Variants in TBC1D31 observed in about 807,000 individuals in gnomAD.
TBC1D31 encodes TBC1 domain family member 31.
Under a neutral mutation model 132.9 loss-of-function variants are expected in TBC1D31, and 99 were observed. That is an observed-to-expected ratio of 0.74 (90% CI 0.63 to 0.88). The LOEUF (loss-of-function observed/expected upper bound fraction) is 0.88. TBC1D31 is among the 40% of genes least tolerant of loss of function. The pLI is 0.00. For missense variants in TBC1D31, 1,134 were observed against 1,256.6 expected (o/e 0.90, Z 1.48); for synonymous variants, 385 against 419.4 (o/e 0.92, Z 1.00).
chr8:123,097,486 G>A (rs372719291), intron 6 of TBC1D31, 45 bp downstream of exon 6: 39 of 1,586,152 alleles, frequency 2.5e-5, no homozygotes, highest in Middle Eastern at 1.7e-4. Context: ...GAGAAAGAAC[G>A]CATCCGTCTC....
At chr8:123,106,052 T>C (rs1817888569) in intron 8 of TBC1D31, among the ~76,000 whole-genome samples, 1 of 152,206 alleles carries the variant, frequency 6.6e-6, no homozygotes, top group African/African-American at 2.4e-5. Flanking sequence ...CAGCAGTATT[T>C]GAGAGTTCTA....
At chr8:123,100,432 C>A (rs958175182) in intron 6 of TBC1D31, among the ~76,000 whole-genome samples, 1 of 151,902 alleles carries the variant, frequency 6.6e-6, no homozygotes, top group Admixed American at 6.6e-5. Context: ...AAAAATTAGC[C>A]GGGCCTGGTG....
chr8:123,142,395 G>A lies in TBC1D31; in HGVS notation c.2774G>A (p.Arg925Lys). Residue 925 changes from arginine to lysine, a missense_variant, in exon 19 of 22, where the codon AGG becomes AAG. By Grantham distance (26) the Arg-to-Lys change is conservative. Coordinates refer to ENST00000287380, the MANE Select transcript of TBC1D31 (RefSeq NM_145647.4). ...KCYQEVAKLL[R>K]ENRRKEIEII... ...TACCAGGAAGTAGCCAAACTCCTTA[G>A]GGAAAACAGAAGGAAAGAAATAGAG... 2.5e-6 allele frequency: 4 copies of A among 1,606,372 alleles called. No homozygotes were observed. The highest frequency in any genetic ancestry group is 2.2e-5 in the South Asian group (2 of 89,346).
At chr8:123,139,112 T>A (rs1821374320) in intron 17 of TBC1D31, among the ~76,000 whole-genome samples, 1 of 138,886 alleles carries the variant, frequency 7.2e-6, no homozygotes, top group Non-Finnish European at 1.5e-5. Context: ...CTGGCACATA[T>A]TTCTTGTTTT....
At position 123,136,520 on chromosome 8, in the gene TBC1D31, G is replaced by A. The variant is rs539829578; in HGVS notation, c.2499+2314G>A. 1.0e-3 allele frequency among the ~76,000 whole-genome samples: 157 copies of A among 152,104 alleles called. 1 individual carries two copies. Among genetic ancestry groups the A allele is most frequent in the Non-Finnish European group, 1.7e-3 (115 of 68,020 alleles). ...GGCTGGAGTACAATGGCGCGATCTC[G>A]GCTCACTGCAACCTCTGCCTCCCGG... On this transcript the variant is annotated intron_variant, in intron 17 of 21. Coordinates refer to ENST00000287380, the MANE Select transcript of TBC1D31 (RefSeq NM_145647.4).
intron 11 of TBC1D31, among the ~76,000 whole-genome samples, chr8:123,120,405 C>T (rs1027681383): frequency 3.3e-5 from 5 of 152,236 alleles, no homozygotes; most frequent in African/African-American, 4.8e-5. Context: ...GGCACGGTGG[C>T]TCATGCCTGT....
At chr8:123,143,915 G>A (rs1029972612) in intron 19 of TBC1D31, among the ~76,000 whole-genome samples, 6 of 152,164 alleles carry the variant, frequency 3.9e-5, no homozygotes, top group African/African-American at 7.2e-5. Context: ...GGCCCTTCAC[G>A]TTCTGCAGAA....
rs1054799751 is a variant in TBC1D31, at chr8:123,124,325, T to C, written c.1571-1731T>C. Among the ~76,000 whole-genome samples the C allele has an allele frequency of 4.6e-5, 7 of 152,174 alleles. No homozygotes were observed. In the East Asian group the frequency reaches 1.3e-3, roughly 29 times the overall value. On this transcript the variant is annotated intron_variant, in intron 11 of 21. Transcript: ENST00000287380. Reference sequence around the variant, plus strand: ...GTCTCTTTTATGACCAGACATAAAGTCTTTTGGTTTAACAAAGACTCTCCA... The same window carrying C: ...GTCTCTTTTATGACCAGACATAAAGCCTTTTGGTTTAACAAAGACTCTCCA...
chr8:123,127,267 T>C (rs1474580800), intron 13 of TBC1D31, among the ~76,000 whole-genome samples: 3 of 123,416 alleles, frequency 2.4e-5, no homozygotes, highest in East Asian at 4.3e-4. Context: ...TTGCATTTTT[T>C]TTTTTTTTTT....
intron 16 of TBC1D31, 96 bp from the exon 17 acceptor site, chr8:123,134,018 C>T: frequency 2.4e-6 from 2 of 841,068 alleles, no homozygotes; most frequent in Non-Finnish European, 3.6e-6. Context: ...ATTTTAAATA[C>T]TGTTAGTAGG....
At position 123,142,354 on chromosome 8, in the gene TBC1D31, AC is replaced by A; in HGVS notation, c.2734del (p.Gln912AsnfsTer9). On this transcript the variant is annotated frameshift_variant, in exon 19 of 22. Coordinates refer to ENST00000287380, the MANE Select transcript of TBC1D31 (RefSeq NM_145647.4). LOFTEE classifies it high-confidence loss of function. ...SLHKQKCDDL[Q>X]RNKCYQEVAK... ...TACATAAACAAAAATGTGATGATCT[AC>A]AACGAAACAAATGTTACCAGGAAGT... The A allele has an allele frequency of 2.5e-6, 4 of 1,611,098 alleles. No individual in the cohort carries two copies. The East Asian group carries it at 6.7e-5, about 27-fold the overall frequency.
intron 5 of TBC1D31, among the ~76,000 whole-genome samples, chr8:123,094,389 T>C (rs1816648231): frequency 6.6e-6 from 1 of 152,062 alleles, no homozygotes; most frequent in South Asian, 2.1e-4. Context: ...TAACTTCACC[T>C]ACTTCTCCAA....
chr8:123,082,894 T>A, intron 3 of TBC1D31, 77 bp downstream of exon 3: 1 of 1,020,982 alleles, frequency 9.8e-7, no homozygotes, highest in Non-Finnish European at 1.5e-6. Flanking sequence ...TATCACTCTG[T>A]ACAGCTTGAG....
chr8:123,088,588 C>T (rs1816019961), intron 4 of TBC1D31, among the ~76,000 whole-genome samples: 1 of 152,178 alleles, frequency 6.6e-6, no homozygotes, highest in Non-Finnish European at 1.5e-5. Flanking sequence ...CTCAGGAGAG[C>T]CTGAGAACAT....
At chr8:123,134,340 C>A in intron 17 of TBC1D31, 134 bp downstream of exon 17, 1 of 663,092 alleles carries the variant, frequency 1.5e-6, no homozygotes, top group Non-Finnish European at 2.6e-6. Context: ...CAGACCAGAC[C>A]TGGGCAATAT....
chr8:123,159,111 G>C, the TBC1D31 span, among the ~76,000 whole-genome samples: 1 of 152,080 alleles, frequency 6.6e-6, no homozygotes, highest in East Asian at 1.9e-4. Context: ...CAGGCCCGAG[G>C]AGATGCTGAT....
intron 1 of TBC1D31, among the ~76,000 whole-genome samples, chr8:123,074,167 G>A (rs1467323319): frequency 6.6e-6 from 1 of 152,094 alleles, no homozygotes; most frequent in East Asian, 1.9e-4. Context: ...GAGTAGCTGG[G>A]ATTACAGGCG....
intron 1 of TBC1D31, chr8:123,075,024 C>T (rs1276992198): frequency 6.6e-6 from 1 of 152,218 alleles, no homozygotes; most frequent in East Asian, 1.9e-4. Flanking sequence ...ATTGTGATTA[C>T]ATCTACATGG....
chr8:123,132,391 T>C (rs1366751452), intron 16 of TBC1D31, among the ~76,000 whole-genome samples: 1 of 150,810 alleles, frequency 6.6e-6, no homozygotes, highest in Non-Finnish European at 1.5e-5. Flanking sequence ...AAATACTAAG[T>C]ATTTTTTAAG....
Sources: allele counts gnomAD v4.1 joint callset (sites outside exome capture counted in the v4.1 genomes callset), GRCh38; gene constraint gnomAD v4.1.1; transcripts MANE v1.5; gene names NCBI Gene and HGNC (gene_info 2026-07-23, HGNC 2026-07-21).